The following ESYT2 variants were observed in gnomAD, a reference collection of about 807,000 sequenced individuals.
ESYT2 encodes the protein extended synaptotagmin 2, also known as extended synaptotagmin-2.
In ESYT2, 54 loss-of-function variants were observed where a neutral mutation model predicts 107.2. That is an observed-to-expected ratio of 0.50 (90% CI 0.40 to 0.63). ESYT2 has a LOEUF of 0.63. Ranked by LOEUF, ESYT2 falls within the 30% of genes least tolerant of loss-of-function variation. ESYT2 has a pLI of 0.00. For synonymous variants in ESYT2, 491 were observed against 434.1 expected (o/e 1.13, Z -1.63); for missense variants, 1,020 against 1,094.5 (o/e 0.93, Z 0.96).
In ESYT2 at chr7:158,732,272, C is replaced by G. The variant is rs1836777797; in HGVS notation, c.*1935G>C. On this transcript the variant is annotated 3_prime_UTR_variant, in exon 23 of 23. Coordinates refer to ENST00000275418, the MANE Select transcript of ESYT2 (RefSeq NM_001367773.1). ...CAACAGACCTGATTTTTAAAAAACC[C>G]TCAACAAATCTAATACTAAGGGAAA... The G allele has an allele frequency of 6.6e-6, 1 of 152,118 alleles. No individual in the cohort carries two copies. The highest frequency in any genetic ancestry group is 1.5e-5 in the Non-Finnish European group (1 of 68,026). 9.4% of individuals were successfully genotyped at this position (152,118 alleles called of 1,614,324 possible). A position where few individuals can be genotyped will look rare whatever the true frequency, so the allele number is the denominator to read the frequency against.
At chr7:158,808,432 C>A (rs1180722759) in intron 1 of ESYT2, among the ~76,000 whole-genome samples, 24 of 152,120 alleles carry the variant, frequency 1.6e-4, no homozygotes, top group Admixed American at 1.6e-3. Context: ...ACTTAATGGC[C>A]CAAAACACAC....
intron 10 of ESYT2, among the ~76,000 whole-genome samples, chr7:158,762,057 T>C (rs940515195): frequency 3.3e-5 from 5 of 152,076 alleles, no homozygotes; most frequent in African/African-American, 1.2e-4. Flanking sequence ...CCATGCTGCA[T>C]TGAGCCCGAT....
chr7:158,754,445 T>C (rs1837685551), intron 13 of ESYT2, among the ~76,000 whole-genome samples: 1 of 152,010 alleles, frequency 6.6e-6, no homozygotes, highest in Non-Finnish European at 1.5e-5. Context: ...TCTCTTGACC[T>C]TGTGATCCAC....
intron 6 of ESYT2, among the ~76,000 whole-genome samples, chr7:158,776,553 T>C (rs1172716412): frequency 6.6e-6 from 1 of 152,238 alleles, no homozygotes; most frequent in Non-Finnish European, 1.5e-5. Flanking sequence ...CTTCTGCAAC[T>C]TCCTCACCTC....
At chr7:158,776,855 CTT>C (rs746847104) in intron 6 of ESYT2, among the ~76,000 whole-genome samples, 13 of 140,292 alleles carry the variant, frequency 9.3e-5, no homozygotes, top group Admixed American at 2.9e-4. Context: ...TCTAGCTTCG[CTT>C]TTTTTTTTTT....
intron 1 of ESYT2, among the ~76,000 whole-genome samples, chr7:158,820,136 G>T (rs1313683587): frequency 6.6e-6 from 1 of 152,160 alleles, no homozygotes; most frequent in African/African-American, 2.4e-5. Flanking sequence ...GGATGGTTTG[G>T]TATTATGGAT....
At chr7:158,787,077 G>A (rs1474681655) in intron 6 of ESYT2, among the ~76,000 whole-genome samples, 2 of 152,154 alleles carry the variant, frequency 1.3e-5, no homozygotes, top group Non-Finnish European at 2.9e-5. Context: ...ATGACCAGGA[G>A]CACAATGAAC....
At chr7:158,743,210 C>T (rs1428542661) in intron 17 of ESYT2, among the ~76,000 whole-genome samples, 1 of 152,194 alleles carries the variant, frequency 6.6e-6, no homozygotes, top group Non-Finnish European at 1.5e-5. Flanking sequence ...TTGATACCAA[C>T]AGTAACACTT....
At chr7:158,751,085 T>C (rs987408575) in intron 14 of ESYT2, among the ~76,000 whole-genome samples, 22 of 152,208 alleles carry the variant, frequency 1.4e-4, no homozygotes, top group East Asian at 3.8e-4. Flanking sequence ...TACTTTTTTT[T>C]CCCCAATTTT....
intron 6 of ESYT2, among the ~76,000 whole-genome samples, chr7:158,781,815 G>A (rs1838836150): frequency 1.3e-5 from 2 of 151,734 alleles, no homozygotes; most frequent in South Asian, 2.1e-4. Context: ...AGTGTGAGAT[G>A]TGAGTGTAAT....
At chr7:158,790,674 C>T (rs1425182848) in intron 4 of ESYT2, among the ~76,000 whole-genome samples, 1 of 152,168 alleles carries the variant, frequency 6.6e-6, no homozygotes, top group African/African-American at 2.4e-5. Flanking sequence ...TGCCTGTAAT[C>T]CTAGCACTTT....
At chr7:158,773,248 A>G in intron 7 of ESYT2, 93 bp downstream of exon 7, 1 of 1,364,366 alleles carries the variant, frequency 7.3e-7, no homozygotes. Flanking sequence ...TGGCAGACGC[A>G]GGTCTTAACC....
chr7:158,802,945 G>C (rs1839687090), intron 1 of ESYT2, among the ~76,000 whole-genome samples: 2 of 152,216 alleles, frequency 1.3e-5, no homozygotes, highest in Non-Finnish European at 2.9e-5. Flanking sequence ...TTTGAGCTTT[G>C]CTCAATGCTG....
rs1304583457 is a variant in ESYT2, at chr7:158,746,018, CAATT to C, written c.1644+2172_1644+2175del. 4.2e-5 allele frequency among the ~76,000 whole-genome samples: 6 copies of C among 144,250 alleles called. No individual in the cohort carries two copies. The East Asian group carries it at 7.5e-4, about 18-fold the overall frequency. The allele number at this position is 144,250 out of a possible 152,430, so 94.6% of individuals were successfully genotyped here. A position where few individuals can be genotyped will look rare whatever the true frequency, so the allele number is the denominator to read the frequency against. On this transcript the variant is annotated intron_variant, in intron 16 of 22. Coordinates refer to ENST00000275418, the MANE Select transcript of ESYT2 (RefSeq NM_001367773.1). ...AATAGTAAAAGAAAAGCAATAATGA[CAATT>C]AAACAAAAAATTGGTTAAGAAAATA...
intron 1 of ESYT2, among the ~76,000 whole-genome samples, chr7:158,828,334 C>T (rs146478398): frequency 0.011 from 1,665 of 152,364 alleles, 22 homozygotes; most frequent in African/African-American, 0.038. Flanking sequence ...TCCAGGCCGG[C>T]AGGGCTTTGG....
At chr7:158,810,734 T>C (rs1177876463) in intron 1 of ESYT2, among the ~76,000 whole-genome samples, 3 of 151,922 alleles carry the variant, frequency 2.0e-5, no homozygotes, top group African/African-American at 4.8e-5. Flanking sequence ...AATATTTCAT[T>C]TACATGGGAT....
chr7:158,762,443 T>C (rs931741041), intron 10 of ESYT2, among the ~76,000 whole-genome samples: 6 of 152,232 alleles, frequency 3.9e-5, no homozygotes, highest in African/African-American at 1.4e-4. Context: ...CAAGGGCCAT[T>C]CTTGATGAGG....
chr7:158,809,149 C>G (rs1839917435), intron 1 of ESYT2, among the ~76,000 whole-genome samples: 1 of 151,914 alleles, frequency 6.6e-6, no homozygotes, highest in African/African-American at 2.4e-5. Context: ...CTGTAGTAAA[C>G]TTTGGATCAC....
At chr7:158,793,546 C>T in intron 4 of ESYT2, 104 bp downstream of exon 4, 1 of 785,024 alleles carries the variant, frequency 1.3e-6, no homozygotes, top group Non-Finnish European at 2.1e-6. Context: ...TTCCAATCAA[C>T]AGCAGGTAAG....
Sources: allele counts gnomAD v4.1 joint callset (sites outside exome capture counted in the v4.1 genomes callset), GRCh38; gene constraint gnomAD v4.1.1; transcripts MANE v1.5; gene names NCBI Gene and HGNC (gene_info 2026-07-23, HGNC 2026-07-21).